SERPINA7: variants seen among roughly 807,000 people sequenced by gnomAD.
SERPINA7 encodes serpin family A member 7, also known as thyroxine-binding globulin.
A neutral mutation model predicts 16.0 loss-of-function variants in SERPINA7; 14 were observed. The ratio of observed to expected loss-of-function variants is 0.88; its 90% CI spans 0.58 to 1.37. The LOEUF is 1.37. Ranked by LOEUF, SERPINA7 falls within the 40% of genes most tolerant of loss-of-function variation. The pLI is 0.00. For missense variants in SERPINA7, 335 were observed against 296.6 expected (o/e 1.13, Z -0.95); for synonymous variants, 140 against 111.0 (o/e 1.26, Z -1.65).
chrX:106,033,860 C>G (rs1477061328), intron 4 of SERPINA7, 157 bp from the exon 5 acceptor site: 1 of 1,007,562 alleles, frequency 9.9e-7, no homozygotes, highest in East Asian at 3.2e-5. Flanking sequence ...TAAATGTAGT[C>G]AATCATTCTC....
At chrX:106,034,500 C>T in intron 3 of SERPINA7, 118 bp from the exon 4 acceptor site, 2 of 652,222 alleles carry the variant, frequency 3.1e-6, no homozygotes, top group South Asian at 2.4e-5. Context: ...GTATTGATAA[C>T]CATTACTATG....
At chrX:106,037,324 T>C in intron 1 of SERPINA7, 1 of 357,600 alleles carries the variant, frequency 2.8e-6, no homozygotes, top group South Asian at 5.4e-5. Context: ...GTCATTCAGA[T>C]GTTATAGCAA....
At position 106,036,526 on chromosome X, in the gene SERPINA7, T is replaced by C. The variant is rs1223316867; in HGVS notation, c.533A>G (p.Glu178Gly). 1 of 1,211,069 alleles carries C rather than the reference T, an allele frequency of 8.3e-7. No individual in the cohort carries two copies. Among genetic ancestry groups the C allele is most frequent in the Admixed American group, 2.2e-5 (1 of 45,960 alleles). The change falls in exon 2 of 5, where the codon GAG becomes GGG. Residue 178 changes from glutamate to glycine, a missense_variant. By Grantham distance (98) the Glu-to-Gly change is moderately conservative. Transcript: ENST00000372563. ...CACAACTTTCCCTTTGGTTTGCATC[T>C]CCACATGACTGTTAATCTCCTGCTT... is the stretch of plus-strand genomic sequence containing the variant. ...AAKQEINSHV[E>G]MQTKGKVVGL...
chrX:106,034,154 G>A, intron 4 of SERPINA7, 81 bp downstream of exon 4: 1 of 1,043,655 alleles, frequency 9.6e-7, no homozygotes, highest in Non-Finnish European at 1.3e-6. Context: ...TTGCTAATTG[G>A]TAAAATAAGA....
chrX:106,033,510 G>A lies in SERPINA7; in HGVS notation c.1238C>T (p.Thr413Met), dbSNP rs768478177. The A allele has an allele frequency of 4.1e-6, 5 of 1,211,047 alleles. No individual in the cohort carries two copies. The highest frequency in any genetic ancestry group is 3.5e-5 in the African/African-American group (2 of 57,740). ...TGGCCTTTTTCCCAACTACGCTTCC[G>A]TTGGGTTCACAACTTTCCCTAGAAA... The part of the protein sequence containing the change: ...ILFLGKVVNP[T>M]EA Residue 413 changes from threonine to methionine, a missense_variant, in exon 5 of 5, where the codon ACG becomes ATG. Coordinates refer to ENST00000372563, the MANE Select transcript of SERPINA7 (RefSeq NM_000354.6).
rs2234036 is a variant in SERPINA7, at chrX:106,035,377, C to T, written c.631G>A (p.Ala211Thr). 2,400 of 1,208,749 alleles carry T rather than the reference C, an allele frequency of 2.0e-3. 25 individuals are homozygous for T. In the South Asian group the frequency reaches 0.03, roughly 15 times the overall value. Residue 211 changes from alanine to threonine, a missense_variant, in exon 3 of 5, where the codon GCA becomes ACA. Ala to Thr is a moderately conservative substitution (Grantham distance 58). Coordinates refer to ENST00000372563, the MANE Select transcript of SERPINA7 (RefSeq NM_000354.6). ...VNYIHFKAQWANPFDPSKTED... is the reference protein window; with the variant it reads ...VNYIHFKAQWTNPFDPSKTED... ...GTCTTGGATGGATCAAAAGGATTTG[C>T]CCACTGGGCTTAAAATACAAAGAAA...
At chrX:106,036,073 C>T (rs1262686492) in intron 2 of SERPINA7, among the ~76,000 whole-genome samples, 1 of 112,363 alleles carries the variant, frequency 8.9e-6, no homozygotes, top group Non-Finnish European at 1.9e-5. Context: ...TAAGTATGTA[C>T]AGCAAGTGAG....
rs776418087 is a variant in SERPINA7 at position 106,033,414 on chromosome X, G to C, written c.*86C>G. On this transcript the variant is annotated 3_prime_UTR_variant, in exon 5 of 5. Transcript: ENST00000372563. ...CCATCATAAGGGAATGCAAGTCCAA[G>C]CTCACATCAATCACACCAGGCTATA... 4.7e-6 allele frequency: 5 copies of C among 1,074,603 alleles called. No individual in the cohort carries two copies. Among genetic ancestry groups the C allele is most frequent in the Admixed American group, 4.4e-5 (2 of 45,455 alleles). The allele number at this position is 1,074,603 out of a possible 1,213,427, so 88.6% of individuals were successfully genotyped here. A position where few individuals can be genotyped will look rare whatever the true frequency, so the allele number is the denominator to read the frequency against.
At position 106,035,039 on chromosome X, in the gene SERPINA7, G is replaced by A. The variant is rs2234038; in HGVS notation, c.896+73C>T. On this transcript the variant is annotated intron_variant, in intron 3 of 4. Coordinates refer to ENST00000372563, the MANE Select transcript of SERPINA7 (RefSeq NM_000354.6). Reference sequence around the variant, plus strand: ...GTTCAGGGTGATTCTTCTGCCTCTGGGTTTCTGCTGAACTCTGTCTCACCT... The same window carrying A: ...GTTCAGGGTGATTCTTCTGCCTCTGAGTTTCTGCTGAACTCTGTCTCACCT... The A allele has an allele frequency of 8.2e-4, 932 of 1,139,079 alleles. 6 individuals carry two copies. In the African/African-American group the frequency reaches 0.014, roughly 18 times the overall value. The allele number at this position is 1,139,079 out of a possible 1,213,427, so 93.9% of individuals were successfully genotyped here.
Position 106,033,215 on chromosome X carries a change from C to T in SERPINA7, c.*285G>A, listed in dbSNP as rs2041420962. 25 of 342,631 alleles carry T rather than the reference C, an allele frequency of 7.3e-5. No individual in the cohort carries two copies. In the South Asian group the frequency reaches 1.0e-3, roughly 14 times the overall value. 28.2% of individuals were successfully genotyped at this position (342,631 alleles called of 1,213,427 possible). ...AAAAGGGAAAATTTTTCAACCCAGT[C>T]AAATTTATTAGAGCAAATGAGTTGA... On this transcript the variant is annotated 3_prime_UTR_variant, in exon 5 of 5. Coordinates refer to ENST00000372563, the MANE Select transcript of SERPINA7 (RefSeq NM_000354.6).
Position 106,034,096 on chromosome X carries a change from G to A in SERPINA7, c.1044+139C>T, listed in dbSNP as rs957117619. The A allele has an allele frequency of 1.0e-5, 6 of 596,312 alleles. No homozygotes were observed. The African/African-American group carries it at 1.1e-4, about 11-fold the overall frequency. The allele number at this position is 596,312 out of a possible 1,213,427, so 49.1% of individuals were successfully genotyped here. The stretch of plus-strand genomic sequence containing the variant: ...ATTTGGAGTAATGGGAATGACTCTG[G>A]AGTGATTCTAGCTTAGGAGGAGTCA... On this transcript the variant is annotated intron_variant, in intron 4 of 4. Transcript: ENST00000372563.
chrX:106,036,500 C>T lies in SERPINA7; in HGVS notation c.559G>A (p.Gly187Ser), dbSNP rs776385965. ...VEMQTKGKVV[G>S]LIQDLKPNTI... is the part of the protein sequence containing the mutation. ...TTTGGCTTGAGGTCTTGAATTAGAC[C>T]CACAACTTTCCCTTTGGTTTGCATC... The change falls in exon 2 of 5, where the codon GGT becomes AGT. Residue 187 changes from glycine to serine, a missense_variant. Coordinates refer to ENST00000372563, the MANE Select transcript of SERPINA7 (RefSeq NM_000354.6). 9.9e-6 allele frequency: 12 copies of T among 1,210,334 alleles called. No homozygotes were observed. The highest frequency in any genetic ancestry group is 2.3e-4 in the Middle Eastern group (1 of 4,343).
rs186533292 is a variant in SERPINA7, at chrX:106,038,276, G to A, written c.-18+422C>T. Among the ~76,000 whole-genome samples the A allele has an allele frequency of 7.2e-5, 8 of 111,426 alleles. No individual in the cohort carries two copies. The East Asian group carries it at 2.3e-3, about 32-fold the overall frequency. ...AGAGACACCTAAGCCAGATACCTGGGAATAATCATAGCCTCCTTTTATTCT... is the reference window on the plus strand; with the variant it reads ...AGAGACACCTAAGCCAGATACCTGGAAATAATCATAGCCTCCTTTTATTCT... On this transcript the variant is annotated intron_variant, in intron 1 of 4. Transcript: ENST00000372563.
chrX:106,037,210 G>C (rs1205876449), intron 1 of SERPINA7, 135 bp from the exon 2 acceptor site: 1 of 518,920 alleles, frequency 1.9e-6, no homozygotes, highest in African/African-American at 2.3e-5. Flanking sequence ...CTCATCAGGG[G>C]CTGAGCAGGG....
In SERPINA7 at chrX:106,035,373, T is replaced by G. The variant is rs1359526610; in HGVS notation, c.635A>C (p.Asn212Thr). ...NYIHFKAQWANPFDPSKTEDS... is the reference protein window; with the variant it reads ...NYIHFKAQWATPFDPSKTEDS... ...TTCTGTCTTGGATGGATCAAAAGGA[T>G]TTGCCCACTGGGCTTAAAATACAAA... The change falls in exon 3 of 5, where the codon AAT becomes ACT. Residue 212 changes from asparagine (N) to threonine (T), a missense_variant. Asn to Thr is a moderately conservative substitution (Grantham distance 65, BLOSUM62 0). Coordinates refer to ENST00000372563, the MANE Select transcript of SERPINA7 (RefSeq NM_000354.6). The G allele has an allele frequency of 1.7e-6, 2 of 1,210,808 alleles. No homozygotes were observed. Among genetic ancestry groups the G allele is most frequent in the South Asian group, 3.5e-5 (2 of 56,992 alleles).
In SERPINA7 at chrX:106,033,682, G is replaced by A; in HGVS notation, c.1066C>T (p.His356Tyr). ...GCTTCAGTTCCCTTTTCACCAATGT[G>A]CAGCACAGCCTTATGGGCAGCCTGT... ...LSNAAHKAVL[H>Y]IGEKGTEAAA... is the part of the protein sequence containing the mutation. The change falls in exon 5 of 5, where the codon CAC becomes TAC. Residue 356 changes from histidine (H) to tyrosine (Y), a missense_variant. His to Tyr is a moderately conservative substitution (Grantham distance 83, BLOSUM62 2). Coordinates refer to ENST00000372563, the MANE Select transcript of SERPINA7 (RefSeq NM_000354.6). The A allele has an allele frequency of 8.3e-7, 1 of 1,211,052 alleles. No homozygotes were observed. The highest frequency in any genetic ancestry group is 1.1e-6 in the Non-Finnish European group (1 of 894,934).
At chrX:106,038,430 C>T (rs2147844134) in intron 1 of SERPINA7, among the ~76,000 whole-genome samples, 1 of 111,581 alleles carries the variant, frequency 9.0e-6, no homozygotes, top group South Asian at 3.8e-4. Flanking sequence ...ACTATATCAG[C>T]TCCTAACAGA....
rs1407373282 is a variant in SERPINA7 at position 106,035,330 on chromosome X, T to C, written c.678A>G (p.Leu226=). ...CTTGAACAGTGGTGGTCTTGTCTAT[T>C]AAGAAGCTGGAACTGTCTTCTGTCT... The part of the protein sequence containing the change: ...PSKTEDSSSF[L]IDKTTTVQVP... The change falls in exon 3 of 5, where the codon TTA becomes TTG. Residue 226 remains leucine, a synonymous_variant. Transcript: ENST00000372563. 2 of 1,209,571 alleles carry C rather than the reference T, an allele frequency of 1.7e-6. No homozygotes were observed. The highest frequency in any genetic ancestry group is 1.8e-5 in the South Asian group (1 of 56,869).
In SERPINA7 at chrX:106,035,328, A is replaced by G. The variant is rs753272214; in HGVS notation, c.680T>C (p.Ile227Thr). Residue 227 changes from isoleucine to threonine, a missense_variant, in exon 3 of 5, where the codon ATA becomes ACA. Coordinates refer to ENST00000372563, the MANE Select transcript of SERPINA7 (RefSeq NM_000354.6). The part of the protein sequence containing the change: ...SKTEDSSSFL[I>T]DKTTTVQVPM... ...CACTTGAACAGTGGTGGTCTTGTCTATTAAGAAGCTGGAACTGTCTTCTGT... is the reference window on the plus strand; with the variant it reads ...CACTTGAACAGTGGTGGTCTTGTCTGTTAAGAAGCTGGAACTGTCTTCTGT... 1.7e-6 allele frequency: 2 copies of G among 1,210,943 alleles called. No homozygotes were observed. Among genetic ancestry groups the G allele is most frequent in the East Asian group, 3.0e-5 (1 of 33,824 alleles).
Sources: gnomAD v4.1 joint callset for allele counts (sites outside exome capture counted in the v4.1 genomes callset) on GRCh38, gnomAD v4.1.1 for gene constraint, MANE v1.5 for transcripts, NCBI Gene and HGNC (gene_info 2026-07-23, HGNC 2026-07-21) for gene names.